The following RUNX1 variants were observed in gnomAD, a reference collection of about 807,000 sequenced individuals.
The protein encoded by RUNX1 is runt-related transcription factor 1.
In RUNX1, 19 loss-of-function variants were observed where a neutral mutation model predicts 42.8. That is an observed-to-expected ratio of 0.44 (90% CI 0.31 to 0.65). The LOEUF is 0.65. Among genes scored for constraint, RUNX1 ranks in the 30% least tolerant of loss-of-function variants. The probability of loss-of-function intolerance (pLI) is 0.07; values close to 1 mark genes in which losing one functional copy is unlikely to be tolerated. For synonymous variants in RUNX1, 271 were observed against 289.4 expected (o/e 0.94, Z 0.64); for missense variants, 528 against 672.0 (o/e 0.79, Z 2.37).
intron 2 of RUNX1, among the ~76,000 whole-genome samples, chr21:34,930,250 T>C (rs2058430081): frequency 8.6e-6 from 1 of 116,306 alleles, no homozygotes; most frequent in Non-Finnish European, 1.7e-5. Flanking sequence ...TATATATGTA[T>C]ATTATACGTG....
intron 6 of RUNX1, among the ~76,000 whole-genome samples, chr21:34,859,135 A>G (rs1316930046): frequency 6.6e-6 from 1 of 152,184 alleles, no homozygotes; most frequent in African/African-American, 2.4e-5. Context: ...TGCCTGGCCA[A>G]TCTTCCATTT....
chr21:34,834,242 ACT>A (rs777612013), intron 7 of RUNX1, 166 bp downstream of exon 7: 3 of 745,052 alleles, frequency 4.0e-6, no homozygotes, highest in South Asian at 2.9e-5. Flanking sequence ...GGGGCCCAAG[ACT>A]CTGCATTTCC....
At chr21:34,818,084 G>T (rs559275273) in intron 7 of RUNX1, among the ~76,000 whole-genome samples, 3 of 152,354 alleles carry the variant, frequency 2.0e-5, no homozygotes, top group Admixed American at 2.0e-4. Context: ...GTCAGCAGTG[G>T]AGGGAAAACC....
Position 34,799,351 on chromosome 21 carries a change from C to G in RUNX1, c.917G>C (p.Arg306Pro), listed in dbSNP as rs139336358. ...VHPATPISPG[R>P]ASGMTTLSAE... The stretch of plus-strand genomic sequence containing the variant: ...AGAGAGGGTTGTCATGCCGCTGGCA[C>G]GTCCAGGTGAAATGGGCGTTGCTGG... Residue 306 changes from arginine to proline, a missense_variant, in exon 8 of 9, where the codon CGT becomes CCT. By Grantham distance (103) the Arg-to-Pro change is moderately radical (BLOSUM62 -2). This residue lies in a region of RUNX1 where 331 missense variants were observed against 382.5 expected (regional missense o/e 0.87). Transcript: ENST00000675419. 1.2e-6 allele frequency: 2 copies of G among 1,614,078 alleles called. No homozygotes were observed. Among genetic ancestry groups the G allele is most frequent in the East Asian group, 2.2e-5 (1 of 44,894 alleles).
At chr21:34,889,695 C>G in intron 3 of RUNX1, 1 of 1,171,566 alleles carries the variant, frequency 8.5e-7, no homozygotes, top group South Asian at 1.9e-5. Context: ...CGCGTGCGGG[C>G]GGCCGCTTCC....
intron 5 of RUNX1, among the ~76,000 whole-genome samples, chr21:34,872,368 T>C (rs1311023783): frequency 1.3e-5 from 2 of 152,182 alleles, no homozygotes; most frequent in African/African-American, 4.8e-5. Context: ...CTGCTGTGTG[T>C]ACCACCCCCA....
Position 34,843,367 on chromosome 21 carries a change from C to T in RUNX1, c.614-8766G>A, listed in dbSNP as rs541090542. ...AGACACATATATACAGACGCACACACACATATACATATATCACACAGGGAC... is the reference window on the plus strand; with the variant it reads ...AGACACATATATACAGACGCACACATACATATACATATATCACACAGGGAC... On this transcript the variant is annotated intron_variant, in intron 6 of 8. Coordinates refer to ENST00000675419, the MANE Select transcript of RUNX1 (RefSeq NM_001754.5). The surrounding 1 kb of genome is among the most constrained non-coding windows in gnomAD (Gnocchi z 4.8). Among the ~76,000 whole-genome samples, 2 of 152,246 alleles carry T rather than the reference C, an allele frequency of 1.3e-5. No homozygotes were observed. The highest frequency in any genetic ancestry group is 6.5e-5 in the Admixed American group (1 of 15,296).
intron 2 of RUNX1, among the ~76,000 whole-genome samples, chr21:34,992,154 G>A (rs1423935625): frequency 6.6e-6 from 1 of 152,244 alleles, no homozygotes; most frequent in Admixed American, 6.5e-5. Context: ...AGAGTGAAGC[G>A]GGCGGTGTCT....
chr21:34,889,864 C>T (rs969431194), intron 3 of RUNX1: 2 of 1,086,464 alleles, frequency 1.8e-6, no homozygotes, highest in African/African-American at 1.6e-5. Flanking sequence ...CCCTCCCTGC[C>T]GGGCCCTGCA....
intron 2 of RUNX1, among the ~76,000 whole-genome samples, chr21:35,021,958 T>G (rs934043830): frequency 2.0e-5 from 3 of 151,950 alleles, no homozygotes; most frequent in African/African-American, 7.3e-5. Context: ...AGGGTAGGAG[T>G]TCCCATTTAA....
At chr21:34,888,123 T>TAGA in intron 3 of RUNX1, 1 of 1,066,352 alleles carries the variant, frequency 9.4e-7, no homozygotes, top group Non-Finnish European at 1.1e-6. Flanking sequence ...GCAGCCACTG[T>TAGA]CTACATCAGC....
At chr21:35,008,174 C>T (rs2059099408) in intron 2 of RUNX1, among the ~76,000 whole-genome samples, 1 of 152,214 alleles carries the variant, frequency 6.6e-6, no homozygotes, top group African/African-American at 2.4e-5. Context: ...TCTCCAAAAA[C>T]TTTCCCTGCC....
intron 2 of RUNX1, among the ~76,000 whole-genome samples, chr21:35,008,985 T>C (rs2059105412): frequency 6.6e-6 from 1 of 152,198 alleles, no homozygotes; most frequent in African/African-American, 2.4e-5. Context: ...GAGAGGTTGA[T>C]GCTTGGCTTT....
chr21:34,887,884 T>C (rs766486287), intron 3 of RUNX1: 40 of 1,065,046 alleles, frequency 3.8e-5, no homozygotes, highest in Non-Finnish European at 4.2e-5. Flanking sequence ...TCTCAATGAA[T>C]TCTGTCAAAA....
In RUNX1 at chr21:34,834,520, C is replaced by T. The variant is rs368711448; in HGVS notation, c.695G>A (p.Arg232Gln). 1.9e-6 allele frequency: 3 copies of T among 1,612,842 alleles called. No homozygotes were observed. Among genetic ancestry groups the T allele is most frequent in the South Asian group, 1.1e-5 (1 of 91,046 alleles). ...SERLSELEQL[R>Q]RTAMRVSPHH... Reference sequence around the variant, plus strand: ...TGGGCTGACCCTCATGGCTGTGCGCCGCAGCTGCTCCAGTTCACTGAGCCG... The same window carrying T: ...TGGGCTGACCCTCATGGCTGTGCGCTGCAGCTGCTCCAGTTCACTGAGCCG... The change falls in exon 7 of 9, where the codon CGG (arginine) becomes CAG (glutamine). Residue 232 changes from arginine to glutamine, a missense_variant. By Grantham distance (43) the Arg-to-Gln change is conservative. Coordinates refer to ENST00000675419, the MANE Select transcript of RUNX1 (RefSeq NM_001754.5).
intron 8 of RUNX1, among the ~76,000 whole-genome samples, chr21:34,797,468 G>A (rs2056545698): frequency 6.6e-6 from 1 of 152,178 alleles, no homozygotes; most frequent in East Asian, 1.9e-4. Flanking sequence ...GCTGATCTTG[G>A]GTGATGACCA....
intron 7 of RUNX1, among the ~76,000 whole-genome samples, chr21:34,805,049 A>G (rs2056660888): frequency 6.6e-6 from 1 of 152,120 alleles, no homozygotes; most frequent in African/African-American, 2.4e-5. Context: ...CACCGTGCCC[A>G]GCCTGAAACT....
At chr21:34,799,731 G>C (rs1031860798) in intron 7 of RUNX1, among the ~76,000 whole-genome samples, 1 of 152,154 alleles carries the variant, frequency 6.6e-6, no homozygotes, top group African/African-American at 2.4e-5. Flanking sequence ...GAGAGGAATG[G>C]ATTACACTTT....
chr21:35,002,414 AT>A (rs1286209269), intron 2 of RUNX1, among the ~76,000 whole-genome samples: 43 of 146,120 alleles, frequency 2.9e-4, no homozygotes, highest in African/African-American at 8.0e-4. Context: ...TTATTTATTT[AT>A]TTATTTATTT....
Sources: allele counts gnomAD v4.1 joint callset (sites outside exome capture counted in the v4.1 genomes callset), GRCh38; gene constraint gnomAD v4.1.1; regional missense constraint gnomAD v4.1.1; non-coding constraint Gnocchi (gnomAD v3.1); transcripts MANE v1.5; gene names NCBI Gene and HGNC (gene_info 2026-07-23, HGNC 2026-07-21).